The following GRID2 variants were observed in gnomAD, a reference collection of about 807,000 sequenced individuals.
The protein encoded by GRID2 is glutamate receptor ionotropic, delta-2.
A neutral mutation model predicts 114.8 loss-of-function variants in GRID2; 33 were observed. The observed-to-expected ratio is 0.29, with a 90% CI of 0.22 to 0.38. The LOEUF is 0.38. GRID2 is among the 10% of genes least tolerant of loss of function. The pLI is 1.00. For missense variants in GRID2, 1,184 were observed against 1,257.7 expected (o/e 0.94, Z 0.89); for synonymous variants, 505 against 449.9 (o/e 1.12, Z -1.55).
Position 93,076,711 on chromosome 4 carries a change from G to A in GRID2, c.245-8284G>A, listed in dbSNP as rs558555476. ...CGGTTCACTGCAACCTCAGCCTCCC[G>A]GGTTCAAGCAATTCTCCTGCCTCAA... On this transcript the variant is annotated intron_variant, in intron 2 of 15. Coordinates refer to ENST00000282020, the MANE Select transcript of GRID2 (RefSeq NM_001510.4). Among the ~76,000 whole-genome samples the A allele has an allele frequency of 1.7e-4, 26 of 149,574 alleles. 1 individual carries two copies. Among genetic ancestry groups the A allele is most frequent in the Admixed American group, 1.5e-3 (23 of 14,962 alleles).
intron 2 of GRID2, among the ~76,000 whole-genome samples, chr4:92,628,265 G>A (rs1240739177): frequency 1.3e-5 from 2 of 152,084 alleles, no homozygotes; most frequent in African/African-American, 4.8e-5. Context: ...TCTCCAGAGA[G>A]CATTCTCCTC....
intron 4 of GRID2, among the ~76,000 whole-genome samples, chr4:93,173,656 G>T (rs1420110199): frequency 6.6e-6 from 1 of 151,984 alleles, no homozygotes; most frequent in South Asian, 2.1e-4. Context: ...TTTTTGAGAC[G>T]TCTCATTCTG....
At chr4:92,571,622 C>T (rs1336842571) in intron 1 of GRID2, among the ~76,000 whole-genome samples, 1 of 152,116 alleles carries the variant, frequency 6.6e-6, no homozygotes, top group African/African-American at 2.4e-5. Flanking sequence ...AAATTGACCA[C>T]ATAGTTGGAA....
At chr4:93,131,838 C>T (rs1425122054) in intron 4 of GRID2, among the ~76,000 whole-genome samples, 1 of 152,076 alleles carries the variant, frequency 6.6e-6, no homozygotes, top group Non-Finnish European at 1.5e-5. Flanking sequence ...ACAAATGGAT[C>T]TGTTTTTTCT....
chr4:93,497,859 T>G (rs1183596846), intron 12 of GRID2, among the ~76,000 whole-genome samples: 1 of 151,876 alleles, frequency 6.6e-6, no homozygotes, highest in Admixed American at 6.6e-5. Flanking sequence ...CTTGTCTATA[T>G]CTACAAAAAT....
chr4:93,646,056 G>A (rs1329890425), intron 14 of GRID2, among the ~76,000 whole-genome samples: 1 of 152,118 alleles, frequency 6.6e-6, no homozygotes, highest in Non-Finnish European at 1.5e-5. Context: ...GTTACTTAGT[G>A]CTTGAAACTC....
At chr4:93,742,819 T>C (rs563451599) in intron 14 of GRID2, among the ~76,000 whole-genome samples, 19 of 152,232 alleles carry the variant, frequency 1.2e-4, no homozygotes, top group Admixed American at 8.5e-4. Context: ...AGACACAACA[T>C]TGAAATTTGG....
intron 2 of GRID2, among the ~76,000 whole-genome samples, chr4:92,719,750 A>T (rs1277781923): frequency 1.3e-5 from 2 of 152,118 alleles, no homozygotes; most frequent in African/African-American, 2.4e-5. Context: ...GGGGAAGAAA[A>T]GATGACGAAG....
intron 8 of GRID2, among the ~76,000 whole-genome samples, chr4:93,323,164 G>A (rs1757427887): frequency 6.6e-6 from 1 of 152,092 alleles, no homozygotes; most frequent in Admixed American, 6.6e-5. Context: ...TTCTTCTAGG[G>A]TTTTTATGGT....
At chr4:92,875,024 A>G (rs544987944) in intron 2 of GRID2, among the ~76,000 whole-genome samples, 1 of 152,264 alleles carries the variant, frequency 6.6e-6, no homozygotes, top group East Asian at 1.9e-4. Context: ...TTGTTTTGTA[A>G]TTAGAAAACA....
intron 4 of GRID2, among the ~76,000 whole-genome samples, chr4:93,176,215 T>C (rs1376927784): frequency 6.6e-6 from 1 of 152,172 alleles, no homozygotes; most frequent in African/African-American, 2.4e-5. Flanking sequence ...ATTAATTAAC[T>C]TGGAAGAAAT....
At chr4:93,706,784 C>T (rs943889508) in intron 14 of GRID2, among the ~76,000 whole-genome samples, 3 of 152,128 alleles carry the variant, frequency 2.0e-5, no homozygotes, top group Non-Finnish European at 4.4e-5. Flanking sequence ...GCATCCTTGC[C>T]TTGATCTAGA....
In GRID2 at chr4:93,784,083, A is replaced by C. The variant is rs926834470; in HGVS notation, c.221+14633A>C. ...CGAGACTCCGTCTCAAAAAAAAAAA[A>C]AAAAAAAAAAAAAAAACCAACCCTT... is the stretch of plus-strand genomic sequence containing the variant. On this transcript the variant is annotated intron_variant, in intron 1 of 1. Transcript: ENST00000637838. Among the ~76,000 whole-genome samples, 91 of 147,884 alleles carry C rather than the reference A, an allele frequency of 6.2e-4. 1 individual carries two copies. Among genetic ancestry groups the C allele is most frequent in the Non-Finnish European group, 1.1e-3 (77 of 67,160 alleles).
chr4:93,491,133 C>T (rs192830490), intron 12 of GRID2, among the ~76,000 whole-genome samples: 2 of 151,896 alleles, frequency 1.3e-5, no homozygotes, highest in East Asian at 3.9e-4. Context: ...AAATCTTTGC[C>T]TTGAGTCTGT....
At chr4:92,589,957 T>C (rs1728629593) in intron 1 of GRID2, among the ~76,000 whole-genome samples, 174 bp from the exon 2 acceptor site, 1 of 152,232 alleles carries the variant, frequency 6.6e-6, no homozygotes, top group Non-Finnish European at 1.5e-5. Flanking sequence ...AGTAACTATA[T>C]TCCTTCTCAG....
At chr4:93,233,808 G>T (rs956208018) in intron 7 of GRID2, among the ~76,000 whole-genome samples, 1 of 152,098 alleles carries the variant, frequency 6.6e-6, no homozygotes, top group African/African-American at 2.4e-5. Context: ...TGTGGGCCAT[G>T]GGATGGATAG....
chr4:93,111,441 ACT>A (rs1307102350), intron 4 of GRID2, among the ~76,000 whole-genome samples: 2 of 152,160 alleles, frequency 1.3e-5, no homozygotes, highest in African/African-American at 2.4e-5. Context: ...AGTGTCTGAA[ACT>A]CTGTAAAGTG....
chr4:92,702,339 A>G (rs1734717175), intron 2 of GRID2: 1 of 152,176 alleles, frequency 6.6e-6, no homozygotes, highest in South Asian at 2.1e-4. Context: ...GAATCTTCTT[A>G]ACAACATGCC....
chr4:92,707,045 C>G (rs184786919), intron 2 of GRID2, among the ~76,000 whole-genome samples: 22 of 152,158 alleles, frequency 1.4e-4, no homozygotes, highest in African/African-American at 4.8e-4. Context: ...TAAATACTTA[C>G]GCTAGAATTA....
Sources: gnomAD v4.1 joint callset for allele counts (sites outside exome capture counted in the v4.1 genomes callset) on GRCh38, gnomAD v4.1.1 for gene constraint, MANE v1.5 for transcripts, NCBI Gene and HGNC (gene_info 2026-07-23, HGNC 2026-07-21) for gene names.